Variants in TBL1X observed in about 807,000 individuals in gnomAD.
TBL1X encodes the protein F-box-like/WD repeat-containing protein TBL1X.
In TBL1X, 10 loss-of-function variants were observed where a neutral mutation model predicts 50.7. The observed-to-expected ratio is 0.20, with a 90% CI of 0.12 to 0.33. TBL1X has a LOEUF of 0.33. TBL1X is among the 10% of genes least tolerant of loss of function. The probability of loss-of-function intolerance (pLI) is 1.00; values close to 1 mark genes in which losing one functional copy is unlikely to be tolerated. For missense variants in TBL1X, 340 were observed against 504.4 expected (o/e 0.67, Z 3.12); for synonymous variants, 190 against 214.7 (o/e 0.88, Z 1.01).
At chrX:9,677,840 G>A (rs753491830) in intron 5 of TBL1X, among the ~76,000 whole-genome samples, 1 of 112,000 alleles carries the variant, frequency 8.9e-6, no homozygotes, top group Non-Finnish European at 1.9e-5. Flanking sequence ...CTCTACATAG[G>A]ATTTTAGAAT....
intron 2 of TBL1X, among the ~76,000 whole-genome samples, chrX:9,534,335 A>C (rs2082177183): frequency 9.0e-6 from 1 of 111,541 alleles, no homozygotes; most frequent in Non-Finnish European, 1.9e-5. Context: ...TTTTTTACTC[A>C]TTGACATACA....
chrX:9,527,567 T>C (rs756398480), intron 2 of TBL1X, among the ~76,000 whole-genome samples: 1 of 112,029 alleles, frequency 8.9e-6, no homozygotes, highest in Admixed American at 9.4e-5. Context: ...GCTTTCTTGC[T>C]CCACCCCATA....
At chrX:9,697,902 A>G (rs1204035899) in intron 12 of TBL1X, among the ~76,000 whole-genome samples, 4 of 112,102 alleles carry the variant, frequency 3.6e-5, no homozygotes, top group Non-Finnish European at 7.5e-5. Flanking sequence ...TGGACAACAA[A>G]GCAAGACCCC....
At chrX:9,650,014 C>G (rs1601816234) in intron 3 of TBL1X, among the ~76,000 whole-genome samples, 1 of 112,232 alleles carries the variant, frequency 8.9e-6, no homozygotes, top group East Asian at 2.8e-4. Context: ...TGGCCTCTAA[C>G]TCCTAAGCTG....
chrX:9,591,855 G>A (rs1219254110), intron 2 of TBL1X, among the ~76,000 whole-genome samples: 1 of 112,301 alleles, frequency 8.9e-6, no homozygotes, highest in Non-Finnish European at 1.9e-5. Flanking sequence ...TAGGGGCAGA[G>A]AAAGGTACCC....
At chrX:9,632,321 C>T (rs1431936333) in intron 2 of TBL1X, among the ~76,000 whole-genome samples, 1 of 111,597 alleles carries the variant, frequency 9.0e-6, no homozygotes, top group African/African-American at 3.3e-5. Context: ...GCTCTGTCAC[C>T]CAGGCTGGAG....
At chrX:9,693,023 C>T in intron 9 of TBL1X, 126 bp from the exon 10 acceptor site, 3 of 645,269 alleles carry the variant, frequency 4.6e-6, no homozygotes, top group Non-Finnish European at 7.5e-6. Flanking sequence ...TCAATTCTGT[C>T]ATTAAAGAAC....
At chrX:9,506,917 C>T (rs1194919459) in intron 2 of TBL1X, among the ~76,000 whole-genome samples, 1 of 111,795 alleles carries the variant, frequency 8.9e-6, no homozygotes, top group Non-Finnish European at 1.9e-5. Flanking sequence ...AAGGACTCCT[C>T]CCTAACTCAT....
chrX:9,476,175 C>G (rs2081848658), intron 1 of TBL1X, among the ~76,000 whole-genome samples: 2 of 112,288 alleles, frequency 1.8e-5, no homozygotes, highest in South Asian at 7.3e-4. Flanking sequence ...GATTGATGCA[C>G]CTATCTCCCC....
intron 2 of TBL1X, among the ~76,000 whole-genome samples, chrX:9,544,164 A>G (rs902839651): frequency 4.5e-5 from 5 of 112,073 alleles, no homozygotes; most frequent in Non-Finnish European, 7.5e-5. Context: ...CCAAACTCCT[A>G]CTAATTATTA....
At chrX:9,698,302 G>A (rs758122695) in intron 12 of TBL1X, among the ~76,000 whole-genome samples, 2 of 111,259 alleles carry the variant, frequency 1.8e-5, no homozygotes, top group African/African-American at 6.5e-5. Context: ...TGCTGTTTTG[G>A]GGGCTCCCTG....
intron 2 of TBL1X, among the ~76,000 whole-genome samples, chrX:9,570,452 G>A (rs1386750276): frequency 9.0e-6 from 1 of 111,143 alleles, no homozygotes; most frequent in Non-Finnish European, 1.9e-5. Flanking sequence ...TTTGAATCAC[G>A]TGGACATTCA....
At chrX:9,697,877 G>C (rs986115223) in intron 12 of TBL1X, among the ~76,000 whole-genome samples, 1 of 110,656 alleles carries the variant, frequency 9.0e-6, no homozygotes, top group African/African-American at 3.3e-5. Context: ...TGAGCCCAGG[G>C]GTTCTAGACC....
intron 2 of TBL1X, among the ~76,000 whole-genome samples, chrX:9,604,401 T>C (rs1354527989): frequency 7.3e-4 from 79 of 108,678 alleles, no homozygotes; most frequent in Middle Eastern, 9.4e-3. Flanking sequence ...TATTTCACTT[T>C]CCCCCCCTTT....
chrX:9,525,223 C>T (rs1456040894), intron 2 of TBL1X, among the ~76,000 whole-genome samples: 1 of 111,510 alleles, frequency 9.0e-6, no homozygotes, highest in Non-Finnish European at 1.9e-5. Flanking sequence ...ACCATGGGTC[C>T]CCCGTAGGCA....
intron 12 of TBL1X, among the ~76,000 whole-genome samples, chrX:9,697,770 C>G (rs1453211408): frequency 1.8e-5 from 2 of 111,512 alleles, no homozygotes; most frequent in Non-Finnish European, 3.8e-5. Flanking sequence ...GACCGTGTCT[C>G]AAAAACTACT....
At chrX:9,519,767 G>T (rs1265451084) in intron 2 of TBL1X, among the ~76,000 whole-genome samples, 1 of 111,897 alleles carries the variant, frequency 8.9e-6, no homozygotes, top group Non-Finnish European at 1.9e-5. Flanking sequence ...TACCTCTGCT[G>T]CTGGGAGAGT....
chrX:9,564,492 G>A (rs949959678), intron 2 of TBL1X, among the ~76,000 whole-genome samples: 2 of 110,609 alleles, frequency 1.8e-5, no homozygotes, highest in South Asian at 7.6e-4. Context: ...CCAGCACTTT[G>A]GGGGGGCCCA....
chrX:9,700,883 G>A (rs1362640268), intron 12 of TBL1X, among the ~76,000 whole-genome samples: 2 of 111,863 alleles, frequency 1.8e-5, no homozygotes, highest in East Asian at 5.6e-4. Flanking sequence ...ATTTTGCCGA[G>A]TGACAAAAGC....
Sources: allele counts gnomAD v4.1 joint callset (sites outside exome capture counted in the v4.1 genomes callset), GRCh38; gene constraint gnomAD v4.1.1; transcripts MANE v1.5; gene names NCBI Gene and HGNC (gene_info 2026-07-23, HGNC 2026-07-21).